FSTL4: variants seen among roughly 807,000 people sequenced by gnomAD.
FSTL4 encodes follistatin-related protein 4.
Under a neutral mutation model 78.2 loss-of-function variants are expected in FSTL4, and 28 were observed. The observed-to-expected ratio is 0.36, with a 90% confidence interval of 0.27 to 0.49. The LOEUF is 0.49. Among genes scored for constraint, FSTL4 ranks in the 20% least tolerant of loss-of-function variants. The probability of loss-of-function intolerance (pLI) is 0.98; values close to 1 mark genes in which losing one functional copy is unlikely to be tolerated. For synonymous variants in FSTL4, 422 were observed against 440.5 expected (o/e 0.96, Z 0.53); for missense variants, 922 against 1,084.9 (o/e 0.85, Z 2.11).
chr5:133,702,167 A>C, the FSTL4 span, among the ~76,000 whole-genome samples: 2 of 152,152 alleles, frequency 1.3e-5, no homozygotes, highest in African/African-American at 4.8e-5. Context: ...TAAACATACG[A>C]CCCTTTAATT....
chr5:133,644,520 A>T, the FSTL4 span, among the ~76,000 whole-genome samples: 1 of 152,086 alleles, frequency 6.6e-6, no homozygotes, highest in African/African-American at 2.4e-5. Flanking sequence ...ACAGTAGTGT[A>T]ATTGTTGGGA....
At chr5:133,470,382 C>T (rs184633090) in intron 3 of FSTL4, among the ~76,000 whole-genome samples, 1 of 152,294 alleles carries the variant, frequency 6.6e-6, no homozygotes, top group East Asian at 1.9e-4. Flanking sequence ...AACTAGTATC[C>T]TCAGTCGGTT....
At chr5:133,618,277 G>C in the FSTL4 span, among the ~76,000 whole-genome samples, 1 of 152,124 alleles carries the variant, frequency 6.6e-6, no homozygotes, top group Non-Finnish European at 1.5e-5. Context: ...GATTGCGATT[G>C]ACTGCAGGTA....
chr5:133,210,149 C>T (rs1310432168), intron 14 of FSTL4, 42 bp downstream of exon 14: 3 of 1,029,202 alleles, frequency 2.9e-6, no homozygotes, highest in Admixed American at 3.5e-5. Flanking sequence ...GAGTTCTTCT[C>T]TCAGTGGAGT....
chr5:133,571,470 G>C (rs1363712817), intron 2 of FSTL4, among the ~76,000 whole-genome samples: 8 of 152,190 alleles, frequency 5.3e-5, no homozygotes, highest in Non-Finnish European at 1.2e-4. Context: ...ATGTTATCCA[G>C]ATCTTAGAAT....
chr5:133,671,268 G>A, the FSTL4 span, among the ~76,000 whole-genome samples: 2 of 151,828 alleles, frequency 1.3e-5, no homozygotes, highest in Admixed American at 6.6e-5. Context: ...TGCCTAAATT[G>A]TCAAACTGCA....
chr5:133,229,521 T>C (rs1163958535), intron 8 of FSTL4, among the ~76,000 whole-genome samples: 1 of 150,148 alleles, frequency 6.7e-6, no homozygotes, highest in Non-Finnish European at 1.5e-5. Context: ...AGACCTTGTC[T>C]TAAAAAAAAA....
the FSTL4 span, among the ~76,000 whole-genome samples, chr5:133,697,868 C>A: frequency 3.3e-5 from 5 of 152,060 alleles, no homozygotes; most frequent in Non-Finnish European, 7.3e-5. Flanking sequence ...AGGGCACGTG[C>A]CCGCTGTACT....
intron 8 of FSTL4, among the ~76,000 whole-genome samples, chr5:133,228,259 C>A (rs1280660480): frequency 6.6e-6 from 1 of 152,080 alleles, no homozygotes; most frequent in Non-Finnish European, 1.5e-5. Flanking sequence ...AAAAAGGAAA[C>A]TTGGAAGTAC....
At chr5:133,461,010 A>G (rs1252160223) in intron 3 of FSTL4, among the ~76,000 whole-genome samples, 1 of 152,238 alleles carries the variant, frequency 6.6e-6, no homozygotes, top group Non-Finnish European at 1.5e-5. Context: ...TGAAGGTTAA[A>G]TAAAGTTTTG....
the FSTL4 span, among the ~76,000 whole-genome samples, chr5:133,666,580 A>T: frequency 4.9e-5 from 5 of 101,352 alleles, no homozygotes; most frequent in East Asian, 1.5e-3. Flanking sequence ...TTCTCTGTTT[A>T]AAAAAAAAAA....
chr5:133,311,173 T>C (rs1028874947), intron 6 of FSTL4, among the ~76,000 whole-genome samples: 23 of 152,320 alleles, frequency 1.5e-4, no homozygotes, highest in African/African-American at 4.6e-4. Flanking sequence ...TGAGCTCTCA[T>C]GAACCAGGTG....
intron 2 of FSTL4, among the ~76,000 whole-genome samples, chr5:133,602,218 TC>T (rs1760884988): frequency 6.6e-6 from 1 of 152,104 alleles, no homozygotes; most frequent in Non-Finnish European, 1.5e-5. Flanking sequence ...GCAGCAACAT[TC>T]CTGGACTTGG....
chr5:133,752,588 C>T, the FSTL4 span, among the ~76,000 whole-genome samples: 17,393 of 151,574 alleles, frequency 0.11, 1,056 homozygotes, highest in Non-Finnish European at 0.12. Flanking sequence ...CCAGCCTAGG[C>T]GACAGAGCGA....
Position 133,278,559 on chromosome 5 carries a change from C to T in FSTL4, c.728-28983G>A, listed in dbSNP as rs189740068. ...TAGTGATGACTTTTTCCCTGCAACACAGTCTAAGGGAGCTCAGACCTGGTC... is the reference window on the plus strand; with the variant it reads ...TAGTGATGACTTTTTCCCTGCAACATAGTCTAAGGGAGCTCAGACCTGGTC... On this transcript the variant is annotated intron_variant, in intron 6 of 15. Coordinates refer to ENST00000265342, the MANE Select transcript of FSTL4 (RefSeq NM_015082.2). Among the ~76,000 whole-genome samples the T allele has an allele frequency of 3.3e-5, 5 of 152,318 alleles. No homozygotes were observed. In the East Asian group the frequency reaches 9.7e-4, roughly 29 times the overall value.
intron 4 of FSTL4, among the ~76,000 whole-genome samples, chr5:133,337,650 T>C (rs1020563347): frequency 1.3e-5 from 2 of 152,304 alleles, no homozygotes; most frequent in East Asian, 3.9e-4. Flanking sequence ...CCAGCAATAA[T>C]TACATTTGAA....
At chr5:133,737,991 C>T in the FSTL4 span, among the ~76,000 whole-genome samples, 1 of 152,108 alleles carries the variant, frequency 6.6e-6, no homozygotes, top group Admixed American at 6.5e-5. Context: ...ACCCTTGAGG[C>T]CTCCCCAGCA....
intron 3 of FSTL4, among the ~76,000 whole-genome samples, chr5:133,492,722 A>T (rs28602183): frequency 0.012 from 1,875 of 152,250 alleles, 36 homozygotes; most frequent in African/African-American, 0.043. Context: ...CTTTAAAAAA[A>T]TTTTGGAAAA....
intron 3 of FSTL4, among the ~76,000 whole-genome samples, chr5:133,465,471 T>C (rs1757687865): frequency 6.6e-6 from 1 of 152,220 alleles, no homozygotes; most frequent in South Asian, 2.1e-4. Flanking sequence ...ATGCCACATA[T>C]TCCACGAAGC....
Sources: allele counts gnomAD v4.1 joint callset (sites outside exome capture counted in the v4.1 genomes callset), GRCh38; gene constraint gnomAD v4.1.1; transcripts MANE v1.5; gene names NCBI Gene and HGNC (gene_info 2026-07-23, HGNC 2026-07-21).